The following MYO7B variants were observed in gnomAD, a reference collection of about 807,000 sequenced individuals.
The protein encoded by MYO7B is unconventional myosin-VIIb.
In MYO7B, 212 loss-of-function variants were observed where a neutral mutation model predicts 259.7. The ratio of observed to expected loss-of-function variants is 0.82; its 90% CI spans 0.73 to 0.91. The LOEUF is 0.91. MYO7B is among the 40% of genes least tolerant of loss of function. MYO7B has a pLI of 0.00. For synonymous variants in MYO7B, 1,197 were observed against 1,166.4 expected (o/e 1.03, Z -0.54); for missense variants, 2,732 against 2,813.5 (o/e 0.97, Z 0.66).
Position 127,627,466 on chromosome 2 carries a change from C to T in MYO7B, c.4460+156C>T, listed in dbSNP as rs955188023. ...TACGTATGCGATGGCTTCTGTACTT[C>T]GGAGCCCCACCCTCCTGCACCAGGC... On this transcript the variant is annotated intron_variant, in intron 33 of 47. Coordinates refer to ENST00000409816, the MANE Select transcript of MYO7B (RefSeq NM_001393586.1). The surrounding 1 kb of genome is among the most constrained non-coding windows in gnomAD (Gnocchi z 5.6). 18 of 1,020,502 alleles carry T rather than the reference C, an allele frequency of 1.8e-5. No homozygotes were observed. In the East Asian group the frequency reaches 2.4e-4, roughly 13 times the overall value. 63.2% of individuals were successfully genotyped at this position (1,020,502 alleles called of 1,614,324 possible). A position where few individuals can be genotyped will look rare whatever the true frequency, so the allele number is the denominator to read the frequency against.
intron 1 of MYO7B, among the ~76,000 whole-genome samples, chr2:127,553,155 G>T (rs1318240425): frequency 6.6e-6 from 1 of 152,170 alleles, no homozygotes; most frequent in African/African-American, 2.4e-5. Flanking sequence ...TTGACTGATG[G>T]CTATGGCCTT....
At position 127,592,862 on chromosome 2, in the gene MYO7B, C is replaced by A. The variant is rs1160040945; in HGVS notation, c.2061C>A (p.Arg687=). 18 of 1,610,286 alleles carry A rather than the reference C, an allele frequency of 1.1e-5. No individual in the cohort carries two copies. The highest frequency in any genetic ancestry group is 1.3e-5 in the Non-Finnish European group (15 of 1,178,912). Residue 687 remains arginine (R), a synonymous_variant, in exon 17 of 48, where the codon CGC becomes CGA. Coordinates refer to ENST00000409816, the MANE Select transcript of MYO7B (RefSeq NM_001393586.1). ...YSGMMETVHI[R]KSGFPIRYTF... ...GCATGATGGAGACCGTGCACATCCG[C>A]AAGTCGGGCTTCCCCATCCGCTACA...
rs773048503 is a variant in MYO7B, at chr2:127,624,280, T to A, written c.4007T>A (p.Val1336Asp). 3 of 1,588,322 alleles carry A rather than the reference T, an allele frequency of 1.9e-6. No individual in the cohort carries two copies. In the African/African-American group the frequency reaches 4.0e-5, roughly 21 times the overall value. Residue 1336 changes from valine (V) to aspartate (D), a missense_variant, in exon 30 of 48, where the codon GTC becomes GAC. This residue lies in a region of MYO7B where 1,906 missense variants were observed against 2,026.4 expected (regional missense o/e 0.94). Coordinates refer to ENST00000409816, the MANE Select transcript of MYO7B (RefSeq NM_001393586.1). ...AGCACCGAGCTTATTTACCGCCAAG[T>A]CCTCCGAGGAGTCTGGTCTGGCGAG... ...PVSTELIYRQ[V>D]LRGVWSGEYS...
In MYO7B at chr2:127,586,683, T is replaced by C. The variant is rs527603143; in HGVS notation, c.1691-1709T>C. On this transcript the variant is annotated intron_variant, in intron 14 of 47. Coordinates refer to ENST00000409816, the MANE Select transcript of MYO7B (RefSeq NM_001393586.1). This position sits in a 1 kb window ranked among gnomAD's most constrained non-coding sequence, Gnocchi z 4.8. ...TTTATTTTTTGAAATGATAGGAAACTTACATAATGCTAAGATTAAGGTCGA... is the reference window on the plus strand; with the variant it reads ...TTTATTTTTTGAAATGATAGGAAACCTACATAATGCTAAGATTAAGGTCGA... 6.6e-6 allele frequency among the ~76,000 whole-genome samples: 1 copy of C among 152,310 alleles called. No homozygotes were observed. Among genetic ancestry groups the C allele is most frequent in the South Asian group, 2.1e-4 (1 of 4,830 alleles).
Position 127,628,616 on chromosome 2 carries a change from T to G in MYO7B, c.4624+81T>G. The G allele has an allele frequency of 2.2e-6, 3 of 1,378,968 alleles. No homozygotes were observed. Among genetic ancestry groups the G allele is most frequent in the Non-Finnish European group, 2.9e-6 (3 of 1,020,496 alleles). The allele number at this position is 1,378,968 out of a possible 1,614,324, so 85.4% of individuals were successfully genotyped here. A position where few individuals can be genotyped will look rare whatever the true frequency, so the allele number is the denominator to read the frequency against. ...TGGGGTCTGTAGGTAGGTGGCATGC[T>G]CATCTCCACACAGCAGCCACAAGGC... On this transcript the variant is annotated intron_variant, in intron 34 of 47. Transcript: ENST00000409816. The surrounding 1 kb of genome is among the most constrained non-coding windows in gnomAD (Gnocchi z 4.8).
chr2:127,547,913 A>G (rs2104810213), intron 1 of MYO7B, among the ~76,000 whole-genome samples: 3 of 152,282 alleles, frequency 2.0e-5, no homozygotes, highest in Admixed American at 2.0e-4. Context: ...TCTTCCTTAA[A>G]TGCTTGGTAG....
Position 127,620,859 on chromosome 2 carries a change from C to T in MYO7B, c.3525+393C>T, listed in dbSNP as rs530573815. Reference sequence around the variant, plus strand: ...GGACTGAAAATGGAGCTGGGTTGGCCGAGTGTTAGTGGCCCCAAGCTTCAC... The same window carrying T: ...GGACTGAAAATGGAGCTGGGTTGGCTGAGTGTTAGTGGCCCCAAGCTTCAC... On this transcript the variant is annotated intron_variant, in intron 27 of 47. Coordinates refer to ENST00000409816, the MANE Select transcript of MYO7B (RefSeq NM_001393586.1). 6.6e-5 allele frequency among the ~76,000 whole-genome samples: 10 copies of T among 152,214 alleles called. No homozygotes were observed. The East Asian group carries it at 7.7e-4, about 12-fold the overall frequency.
chr2:127,618,932 G>A (rs960188934), intron 26 of MYO7B, among the ~76,000 whole-genome samples: 2 of 152,228 alleles, frequency 1.3e-5, no homozygotes, highest in Admixed American at 6.5e-5. Context: ...AAGAGGAGGG[G>A]ACAGAGGAAA....
intron 11 of MYO7B, 103 bp downstream of exon 11, chr2:127,582,113 G>A (rs1020037393): frequency 6.4e-7 from 1 of 1,552,722 alleles, no homozygotes; most frequent in Admixed American, 1.8e-5. Flanking sequence ...GCCCTGGGCA[G>A]GTCCCCACTC....
At chr2:127,542,328 G>C (rs1376027887) in intron 1 of MYO7B, among the ~76,000 whole-genome samples, 1 of 152,156 alleles carries the variant, frequency 6.6e-6, no homozygotes, top group African/African-American at 2.4e-5. Flanking sequence ...CTTTTTCTCT[G>C]GTGTGCACTG....
chr2:127,551,113 A>G (rs1693429425), intron 1 of MYO7B, among the ~76,000 whole-genome samples: 2 of 151,984 alleles, frequency 1.3e-5, no homozygotes, highest in African/African-American at 4.8e-5. Context: ...GGAAAAGTAT[A>G]TTCTCCACTG....
At chr2:127,548,323 T>C (rs368909504) in intron 1 of MYO7B, among the ~76,000 whole-genome samples, 18 of 152,086 alleles carry the variant, frequency 1.2e-4, no homozygotes, top group African/African-American at 4.3e-4. Flanking sequence ...TCTGTTCTAA[T>C]TTTTATTTTT....
In MYO7B at chr2:127,592,785, C is replaced by G. The variant is rs931685585; in HGVS notation, c.1993-9C>G. ...TTGCGCTGGGTCAGCGCCCGGTGTC[C>G]GCCCACAGCTGTTCGACCGGGAGCT... On this transcript the variant is annotated splice_polypyrimidine_tract_variant and intron_variant, in intron 16 of 47. Coordinates refer to ENST00000409816, the MANE Select transcript of MYO7B (RefSeq NM_001393586.1). 1 of 1,606,118 alleles carries G rather than the reference C, an allele frequency of 6.2e-7. No homozygotes were observed. The highest frequency in any genetic ancestry group is 1.1e-5 in the South Asian group (1 of 89,666).
intron 16 of MYO7B, among the ~76,000 whole-genome samples, chr2:127,591,816 G>A (rs1267902682): frequency 1.3e-5 from 2 of 152,140 alleles, no homozygotes; most frequent in Admixed American, 6.5e-5. Flanking sequence ...TGACACCCCA[G>A]GGAAGGACAT....
At position 127,592,881 on chromosome 2, in the gene MYO7B, C is replaced by T. The variant is rs559819413; in HGVS notation, c.2080C>T (p.Arg694Cys). ...CATCCGCAAGTCGGGCTTCCCCATC[C>T]GCTACACGTTCGAGGAGTTCTCGCA... ...VHIRKSGFPI[R>C]YTFEEFSQRF... is the part of the protein sequence containing the mutation. The change falls in exon 17 of 48, where the codon CGC becomes TGC. Residue 694 changes from arginine to cysteine, a missense_variant. Coordinates refer to ENST00000409816, the MANE Select transcript of MYO7B (RefSeq NM_001393586.1). 1.6e-5 allele frequency: 26 copies of T among 1,609,798 alleles called. No individual in the cohort carries two copies. The highest frequency in any genetic ancestry group is 2.1e-5 in the Non-Finnish European group (25 of 1,178,560).
At chr2:127,624,650 C>CA (rs1373005908) in intron 30 of MYO7B, among the ~76,000 whole-genome samples, 6 of 152,234 alleles carry the variant, frequency 3.9e-5, no homozygotes, top group Non-Finnish European at 8.8e-5. Context: ...GTCTGAATCC[C>CA]ACCTCCCCAT....
intron 20 of MYO7B, among the ~76,000 whole-genome samples, chr2:127,606,279 C>T (rs1312621295): frequency 6.6e-6 from 1 of 152,220 alleles, no homozygotes; most frequent in Non-Finnish European, 1.5e-5. Flanking sequence ...GTTCCAAGTA[C>T]CTTTTCCTAA....
At chr2:127,558,887 G>A (rs1271723430) in intron 1 of MYO7B, among the ~76,000 whole-genome samples, 1 of 152,134 alleles carries the variant, frequency 6.6e-6, no homozygotes, top group East Asian at 1.9e-4. Context: ...TTGGGGACTC[G>A]GGGAAAGGGA....
chr2:127,565,558 G>A (rs1421260634), intron 4 of MYO7B, among the ~76,000 whole-genome samples, 173 bp downstream of exon 4: 1 of 152,228 alleles, frequency 6.6e-6, no homozygotes, highest in East Asian at 1.9e-4. Flanking sequence ...AACAAGGAGG[G>A]TGATCCCACC....
Sources: allele counts gnomAD v4.1 joint callset (sites outside exome capture counted in the v4.1 genomes callset), GRCh38; gene constraint gnomAD v4.1.1; regional missense constraint gnomAD v4.1.1; non-coding constraint Gnocchi (gnomAD v3.1); transcripts MANE v1.5; gene names NCBI Gene and HGNC (gene_info 2026-07-23, HGNC 2026-07-21).